The following ARID1A variants were observed in gnomAD, a reference collection of about 807,000 sequenced individuals.
The protein encoded by ARID1A is AT-rich interaction domain 1A.
ARID1A carries 20 observed loss-of-function variants against 212.6 expected under a neutral mutation model. The observed-to-expected ratio is 0.09, with a 90% CI of 0.07 to 0.14. ARID1A has a LOEUF of 0.14. ARID1A is among the 10% of genes least tolerant of loss of function. The probability of loss-of-function intolerance (pLI) is 1.00; values close to 1 mark genes in which losing one functional copy is unlikely to be tolerated. For missense variants in ARID1A, 2,587 were observed against 3,059.0 expected (o/e 0.85, Z 3.64); for synonymous variants, 1,376 against 1,222.1 (o/e 1.13, Z -2.63).
At chr1:26,762,106 C>G (rs767585532) in intron 6 of ARID1A, 46 bp from the exon 7 acceptor site, 1 of 1,521,342 alleles carries the variant, frequency 6.6e-7, no homozygotes, top group South Asian at 1.3e-5. Flanking sequence ...AGCATTTGTT[C>G]GCATTGTATA....
At chr1:26,759,015 A>G (rs1363921618) in intron 4 of ARID1A, among the ~76,000 whole-genome samples, 1 of 150,168 alleles carries the variant, frequency 6.7e-6, no homozygotes, top group Non-Finnish European at 1.5e-5. Flanking sequence ...CAGCTTGGAT[A>G]CTTGAAGGAG....
At chr1:26,727,043 T>C (rs2124781672) in intron 1 of ARID1A, among the ~76,000 whole-genome samples, 1 of 152,312 alleles carries the variant, frequency 6.6e-6, no homozygotes, top group East Asian at 1.9e-4. Context: ...TGAAAAAATG[T>C]GGAAAACTGG....
chr1:26,761,086 T>G lies in ARID1A; in HGVS notation c.2151T>G (p.Ala717=), dbSNP rs142810143. 5.0e-6 allele frequency: 8 copies of G among 1,614,120 alleles called. No individual in the cohort carries two copies. Among genetic ancestry groups the G allele is most frequent in the Non-Finnish European group, 5.1e-6 (6 of 1,179,970 alleles). Residue 717 remains alanine, a synonymous_variant, in exon 5 of 20, where the codon GCT becomes GCG. Transcript: ENST00000324856. ...AQSRSGPLSP[A]AVPGNQMPPR... ...CTCGCTCAGGACCACTCTCGCCTGC[T>G]GCAGTGCCAGGTACCCTCAAGTGCT...
chr1:26,697,462 C>A lies in ARID1A; in HGVS notation c.1059C>A (p.Ala353=). ...CGGCGGCGGCCGCCTCGGGAGGGGC[C>A]CAACAAAGGAGCCACCACGCGCCCA... is the stretch of plus-strand genomic sequence containing the variant. ...AAAAAAASGG[A]QQRSHHAPMS... Residue 353 remains alanine, a synonymous_variant, in exon 1 of 20, where the codon GCC becomes GCA. Coordinates refer to ENST00000324856, the MANE Select transcript of ARID1A (RefSeq NM_006015.6). The A allele has an allele frequency of 7.2e-7, 1 of 1,383,944 alleles. No homozygotes were observed. 85.7% of individuals were successfully genotyped at this position (1,383,944 alleles called of 1,614,324 possible). A position where few individuals can be genotyped will look rare whatever the true frequency, so the allele number is the denominator to read the frequency against.
intron 8 of ARID1A, chr1:26,765,879 G>T (rs949389898): frequency 5.7e-6 from 1 of 175,018 alleles, no homozygotes; most frequent in Non-Finnish European, 1.2e-5. Flanking sequence ...AAAAAAAAAA[G>T]AAAATCTGGG....
At chr1:26,752,760 C>G (rs2080895823) in intron 4 of ARID1A, among the ~76,000 whole-genome samples, 1 of 150,512 alleles carries the variant, frequency 6.6e-6, no homozygotes, top group African/African-American at 2.5e-5. Flanking sequence ...TAGATTTGGT[C>G]ATTATGGAAT....
intron 8 of ARID1A, chr1:26,766,016 A>G (rs999242575): frequency 1.7e-6 from 1 of 589,180 alleles, no homozygotes. Flanking sequence ...CATTCCAGCC[A>G]GGGTGCCAGA....
intron 4 of ARID1A, among the ~76,000 whole-genome samples, chr1:26,751,495 T>G (rs2080884965): frequency 6.6e-6 from 1 of 151,776 alleles, no homozygotes; most frequent in Non-Finnish European, 1.5e-5. Flanking sequence ...GAGTGTAAAG[T>G]AATAATGGAT....
Position 26,696,162 on chromosome 1 carries a change from G to T in ARID1A, c.-242G>T. ...TCCCGAGCCTACAGAGCCGGGAGCA[G>T]CTGAGCCGCCGGCGCCTCGGCCGCC... On this transcript the variant is annotated 5_prime_UTR_variant, in exon 1 of 20. Transcript: ENST00000324856. The T allele has an allele frequency of 5.7e-6, 3 of 528,132 alleles. No individual in the cohort carries two copies. Among genetic ancestry groups the T allele is most frequent in the Non-Finnish European group, 8.0e-6 (3 of 376,200 alleles). 32.7% of individuals were successfully genotyped at this position (528,132 alleles called of 1,614,324 possible).
chr1:26,768,533 G>A (rs2081057947), intron 11 of ARID1A, among the ~76,000 whole-genome samples: 1 of 152,220 alleles, frequency 6.6e-6, no homozygotes, highest in South Asian at 2.1e-4. Context: ...TACAGAGGCA[G>A]CCAGAGTAGA....
In ARID1A at chr1:26,729,785, C is replaced by G. The variant is rs2080655371; in HGVS notation, c.1272C>G (p.Ser424=). The G allele has an allele frequency of 6.2e-7, 1 of 1,614,114 alleles. No homozygotes were observed. Among genetic ancestry groups the G allele is most frequent in the African/African-American group, 1.3e-5 (1 of 74,950 alleles). The change falls in exon 2 of 20, where the codon TCC becomes TCG. Residue 424 remains serine, a synonymous_variant. Coordinates refer to ENST00000324856, the MANE Select transcript of ARID1A (RefSeq NM_006015.6). ...GGTACCCAGGGCAGCCATACGGGTC[C>G]CAGACCCCGCAGCGGTACCCGATGA... The part of the protein sequence containing the change: ...GHGYPGQPYG[S]QTPQRYPMTM...
Position 26,744,679 on chromosome 1 carries a change from T to C in ARID1A, c.1920+11887T>C, listed in dbSNP as rs552146611. ...TCAAGAAGACACTTGGTATCCTCTC[T>C]GGCCCAAGCTTCCCTGAAGCCCAGG... On this transcript the variant is annotated intron_variant, in intron 4 of 19. Transcript: ENST00000324856. Among the ~76,000 whole-genome samples the C allele has an allele frequency of 2.0e-5, 3 of 152,332 alleles. No individual in the cohort carries two copies. The East Asian group carries it at 5.8e-4, about 29-fold the overall frequency.
intron 2 of ARID1A, 55 bp downstream of exon 2, chr1:26,729,918 T>G (rs1331577664): frequency 4.5e-6 from 7 of 1,571,556 alleles, no homozygotes; most frequent in Non-Finnish European, 6.1e-6. Context: ...ATCTGATCTG[T>G]GAGCTATAGA....
At chr1:26,719,445 A>G (rs991252396) in intron 1 of ARID1A, among the ~76,000 whole-genome samples, 1 of 152,208 alleles carries the variant, frequency 6.6e-6, no homozygotes, top group African/African-American at 2.4e-5. Context: ...AAACGAATGT[A>G]CATCTGAATT....
At chr1:26,701,867 A>G (rs1014921566) in intron 1 of ARID1A, among the ~76,000 whole-genome samples, 11 of 152,196 alleles carry the variant, frequency 7.2e-5, no homozygotes, top group African/African-American at 2.7e-4. Context: ...TCTGTTTGTC[A>G]TTAGTCATTC....
chr1:26,706,383 C>T (rs1057372670), intron 1 of ARID1A, among the ~76,000 whole-genome samples: 1 of 152,140 alleles, frequency 6.6e-6, no homozygotes, highest in African/African-American at 2.4e-5. Flanking sequence ...CTTCTTTTCC[C>T]CTTAAGATCT....
chr1:26,773,457 G>A lies in ARID1A; in HGVS notation c.3827G>A (p.Arg1276Gln), dbSNP rs369087151. The change falls in exon 15 of 20, where the codon CGA (arginine) becomes CAA (glutamine). Residue 1276 changes from arginine to glutamine, a missense_variant. By Grantham distance (43) the Arg-to-Gln change is conservative (BLOSUM62 1). Coordinates refer to ENST00000324856, the MANE Select transcript of ARID1A (RefSeq NM_006015.6). ...PGLGNVAMGP[R>Q]QHYPYGGPYD... ...CTAGGAAATGTGGCGATGGGACCAC[G>A]ACAGCACTATCCCTATGGAGGTCCT... 3 of 1,613,520 alleles carry A rather than the reference G, an allele frequency of 1.9e-6. No individual in the cohort carries two copies. Among genetic ancestry groups the A allele is most frequent in the South Asian group, 1.1e-5 (1 of 90,970 alleles).
chr1:26,771,043 C>A lies in ARID1A; in HGVS notation c.3199-76C>A. 1.5e-6 allele frequency: 2 copies of A among 1,344,158 alleles called. No homozygotes were observed. The highest frequency in any genetic ancestry group is 2.4e-5 in the South Asian group (2 of 83,822). The allele number at this position is 1,344,158 out of a possible 1,614,324, so 83.3% of individuals were successfully genotyped here. A position where few individuals can be genotyped will look rare whatever the true frequency, so the allele number is the denominator to read the frequency against. On this transcript the variant is annotated intron_variant, in intron 11 of 19. Transcript: ENST00000324856. This position sits in a 1 kb window ranked among gnomAD's most constrained non-coding sequence, Gnocchi z 5.4. ...TCTACAAAGATGAATACCTTACAGC[C>A]TGATGGGGCTTGGGGCTTATGGGCA...
chr1:26,730,060 T>TA (rs2080658815), intron 2 of ARID1A, among the ~76,000 whole-genome samples, 197 bp downstream of exon 2: 1 of 152,198 alleles, frequency 6.6e-6, no homozygotes, highest in African/African-American at 2.4e-5. Context: ...GAAAACTACT[T>TA]ACTCCCTGGT....
Sources: gnomAD v4.1 joint callset for allele counts (sites outside exome capture counted in the v4.1 genomes callset) on GRCh38, gnomAD v4.1.1 for gene constraint, Gnocchi (gnomAD v3.1) non-coding constraint, MANE v1.5 for transcripts, NCBI Gene and HGNC (gene_info 2026-07-23, HGNC 2026-07-21) for gene names.